The following RNF24 variants were observed in gnomAD, a reference collection of about 807,000 sequenced individuals.
RNF24 encodes the protein ring finger protein 24.
In RNF24, 14 loss-of-function variants were observed where a neutral mutation model predicts 20.0. The observed-to-expected ratio is 0.70, with a 90% confidence interval of 0.46 to 1.10. The LOEUF is 1.10. Among genes scored for constraint, RNF24 ranks in the 50% least tolerant of loss-of-function variants. The pLI is 0.00. For missense variants in RNF24, 124 were observed against 177.6 expected (o/e 0.70, Z 1.71); for synonymous variants, 45 against 61.1 (o/e 0.74, Z 1.23).
intron 1 of RNF24, among the ~76,000 whole-genome samples, chr20:3,980,976 C>T (rs369581420): frequency 3.1e-5 from 4 of 128,290 alleles, no homozygotes; most frequent in African/African-American, 1.2e-4. Flanking sequence ...TTGGGGGGGG[C>T]AGGGGGAGGG....
At chr20:4,003,674 A>C (rs2122131705) in intron 1 of RNF24, among the ~76,000 whole-genome samples, 2 of 107,796 alleles carry the variant, frequency 1.9e-5, no homozygotes, top group African/African-American at 3.7e-5. Context: ...ACAGAGTCTC[A>C]CTCTATTGCC....
rs780488535 is a variant in RNF24 at position 3,933,864 on chromosome 20, G to A, written c.*199C>T. On this transcript the variant is annotated 3_prime_UTR_variant, in exon 6 of 6. Coordinates refer to ENST00000358395, the MANE Select transcript of RNF24 (RefSeq NM_001134337.3). ...TCATCCACTCCTCTTCTCTCGGCAG[G>A]GGGTAGTGTCAAAGTGCTTTGGTTG... The A allele has an allele frequency of 2.4e-6, 1 of 411,910 alleles. No homozygotes were observed. The highest frequency in any genetic ancestry group is 4.2e-6 in the Non-Finnish European group (1 of 236,756). 25.5% of individuals were successfully genotyped at this position (411,910 alleles called of 1,614,324 possible).
intron 1 of RNF24, among the ~76,000 whole-genome samples, chr20:3,965,159 G>C (rs2091245112): frequency 6.6e-6 from 1 of 152,124 alleles, no homozygotes; most frequent in Admixed American, 6.5e-5. Context: ...TGCCAGGCCT[G>C]CTTATTAAGA....
chr20:3,928,250 C>T lies in RNF24; in HGVS notation c.*5813G>A, dbSNP rs894169415. The T allele has an allele frequency of 7.9e-5, 12 of 152,172 alleles. No individual in the cohort carries two copies. Among genetic ancestry groups the T allele is most frequent in the African/African-American group, 2.7e-4 (11 of 41,414 alleles). 9.4% of individuals were successfully genotyped at this position (152,172 alleles called of 1,614,324 possible). ...GAGTGGATGTGATAGAGAATTTTTT[C>T]TCAAGTTTTGGGTTAGGGCACCAGT... is the stretch of plus-strand genomic sequence containing the variant. On this transcript the variant is annotated 3_prime_UTR_variant, in exon 6 of 6. Coordinates refer to ENST00000358395, the MANE Select transcript of RNF24 (RefSeq NM_001134337.3).
chr20:3,983,479 T>G (rs142039986), intron 1 of RNF24, among the ~76,000 whole-genome samples: 154 of 152,200 alleles, frequency 1.0e-3, no homozygotes, highest in African/African-American at 3.3e-3. Flanking sequence ...TTAGTGCAGG[T>G]GCAACTAACT....
At chr20:3,961,481 T>C (rs568162473) in intron 2 of RNF24, among the ~76,000 whole-genome samples, 5 of 152,216 alleles carry the variant, frequency 3.3e-5, no homozygotes, top group East Asian at 1.9e-4. Context: ...TGCTTGATTA[T>C]TAAAAGGAAT....
chr20:3,949,115 C>T (rs1329097609), intron 2 of RNF24, among the ~76,000 whole-genome samples: 2 of 152,276 alleles, frequency 1.3e-5, no homozygotes, highest in African/African-American at 4.8e-5. Flanking sequence ...CACCGTGGCT[C>T]ACGCCTGTAA....
intron 1 of RNF24, among the ~76,000 whole-genome samples, chr20:4,000,912 T>C (rs11906452): frequency 0.13 from 19,744 of 152,196 alleles, 1,574 homozygotes; most frequent in Non-Finnish European, 0.18. Flanking sequence ...CCACACGCTT[T>C]TCTGTATATC....
intron 2 of RNF24, among the ~76,000 whole-genome samples, chr20:3,959,592 A>G (rs2091179368): frequency 6.6e-6 from 1 of 152,160 alleles, no homozygotes; most frequent in Non-Finnish European, 1.5e-5. Context: ...TCACCCCTCT[A>G]TTTTTTGTTT....
intron 1 of RNF24, among the ~76,000 whole-genome samples, chr20:3,979,348 A>G (rs1979189966): frequency 6.6e-6 from 1 of 152,030 alleles, no homozygotes; most frequent in Non-Finnish European, 1.5e-5. Context: ...ACAAAAGGAA[A>G]CTACTTATAA....
At position 3,934,982 on chromosome 20, in the gene RNF24, A is replaced by G. The variant is rs1431362229; in HGVS notation, c.308+12T>C. 6.2e-7 allele frequency: 1 copy of G among 1,610,046 alleles called. No homozygotes were observed. The highest frequency in any genetic ancestry group is 8.5e-7 in the Non-Finnish European group (1 of 1,176,354). ...CTCGGGTCCCATTAAGTAATTCCAT[A>G]CCAATACTTACTTTCTGTGGAAGGC... On this transcript the variant is annotated intron_variant, in intron 5 of 5. Transcript: ENST00000358395. The surrounding 1 kb of genome is among the most constrained non-coding windows in gnomAD (Gnocchi z 4.0).
At chr20:3,950,734 T>C (rs1246825475) in intron 2 of RNF24, among the ~76,000 whole-genome samples, 1 of 152,228 alleles carries the variant, frequency 6.6e-6, no homozygotes, top group Admixed American at 6.5e-5. Flanking sequence ...ATAACCATAG[T>C]TGTATATACT....
rs2090823723 is a variant in RNF24 at position 3,931,607 on chromosome 20, G to GC, written c.*2455dup. On this transcript the variant is annotated 3_prime_UTR_variant, in exon 6 of 6. Transcript: ENST00000358395. ...TACTGCTAGTGATACTAGGCTTGCT[G>GC]CAGGAGGATGTCACGCTGAGAAAGG... The GC allele has an allele frequency of 6.6e-6, 1 of 152,222 alleles. No individual in the cohort carries two copies. Among genetic ancestry groups the GC allele is most frequent in the Non-Finnish European group, 1.5e-5 (1 of 68,036 alleles). The allele number at this position is 152,222 out of a possible 1,614,324, so 9.4% of individuals were successfully genotyped here.
chr20:3,942,331 GTTAATT>G (rs1018261952), intron 4 of RNF24, among the ~76,000 whole-genome samples: 1 of 148,102 alleles, frequency 6.8e-6, no homozygotes, highest in Non-Finnish European at 1.5e-5. Context: ...ACCAGGCCCA[GTTAATT>G]TTTTTTTTTT....
intron 2 of RNF24, among the ~76,000 whole-genome samples, chr20:3,959,085 C>CTTCTACCTATTAATTACATGACCT (rs2091174100): frequency 6.6e-6 from 1 of 152,180 alleles, no homozygotes; most frequent in Non-Finnish European, 1.5e-5. Flanking sequence ...CTGGCTTCAG[C>CTTCTACCTATTAATTACATGACCT]TTCTACCTAT....
At chr20:3,935,288 G>A (rs955114972) in intron 4 of RNF24, among the ~76,000 whole-genome samples, 3 of 152,170 alleles carry the variant, frequency 2.0e-5, no homozygotes, top group African/African-American at 7.2e-5. Context: ...TCAAGGAGGT[G>A]GGCAGATGGG....
At chr20:3,943,978 G>A (rs541962680) in intron 4 of RNF24, among the ~76,000 whole-genome samples, 32 of 152,266 alleles carry the variant, frequency 2.1e-4, no homozygotes, top group South Asian at 4.2e-4. Flanking sequence ...GGGAGGCCGA[G>A]GTGGGTGGAT....
intron 1 of RNF24, among the ~76,000 whole-genome samples, chr20:3,999,535 A>G (rs1402784238): frequency 6.6e-6 from 1 of 152,196 alleles, no homozygotes; most frequent in Non-Finnish European, 1.5e-5. Context: ...CGGGCGGATC[A>G]GCTGAGGTCA....
chr20:3,942,716 G>A (rs1470692985), intron 4 of RNF24, among the ~76,000 whole-genome samples: 2 of 151,832 alleles, frequency 1.3e-5, no homozygotes, highest in African/African-American at 2.4e-5. Flanking sequence ...CCTGTGATCC[G>A]CCTGCCTCGG....
Sources: gnomAD v4.1 joint callset for allele counts (sites outside exome capture counted in the v4.1 genomes callset) on GRCh38, gnomAD v4.1.1 for gene constraint, Gnocchi (gnomAD v3.1) non-coding constraint, MANE v1.5 for transcripts, NCBI Gene and HGNC (gene_info 2026-07-23, HGNC 2026-07-21) for gene names.